The following ZC3H12B variants were observed in gnomAD, a reference collection of about 807,000 sequenced individuals.
ZC3H12B encodes probable ribonuclease ZC3H12B.
Under a neutral mutation model 43.9 loss-of-function variants are expected in ZC3H12B, and 7 were observed. The observed-to-expected ratio is 0.16, with a 90% CI of 0.09 to 0.30. The LOEUF is 0.30. Among genes scored for constraint, ZC3H12B ranks in the 10% least tolerant of loss-of-function variants. The pLI, the probability that ZC3H12B is intolerant of heterozygous loss-of-function variation, is 1.00. For synonymous variants in ZC3H12B, 222 were observed against 241.7 expected, an observed-to-expected ratio of 0.92 and a Z score of 0.76; for missense variants, 475 against 670.2, an observed-to-expected ratio of 0.71 and a Z score of 3.22.
At chrX:65,415,117 G>A (rs1003825973) in intron 3 of ZC3H12B, among the ~76,000 whole-genome samples, 5 of 112,250 alleles carry the variant, frequency 4.5e-5, no homozygotes, top group Admixed American at 9.4e-5. Flanking sequence ...GGTCATGGGT[G>A]GATTCAAATA....
chrX:65,325,705 A>C, the ZC3H12B span, among the ~76,000 whole-genome samples: 1 of 111,502 alleles, frequency 9.0e-6, no homozygotes, highest in Non-Finnish European at 1.9e-5. Context: ...GCACTATTCC[A>C]ATGTCATTTT....
the ZC3H12B span, among the ~76,000 whole-genome samples, chrX:65,158,571 T>C: frequency 8.9e-6 from 1 of 112,258 alleles, no homozygotes; most frequent in Admixed American, 9.5e-5. Context: ...AAATGTCTTC[T>C]TTTGAGAAGT....
the ZC3H12B span, among the ~76,000 whole-genome samples, chrX:65,064,814 A>C: frequency 9.0e-6 from 1 of 111,421 alleles, no homozygotes; most frequent in South Asian, 3.8e-4. Context: ...TGCTTTATGA[A>C]TCTCGGTCCT....
chrX:65,439,534 G>A (rs769209098), intron 3 of ZC3H12B, among the ~76,000 whole-genome samples: 2 of 111,781 alleles, frequency 1.8e-5, no homozygotes, highest in South Asian at 7.6e-4. Flanking sequence ...GTCCAATCCT[G>A]TTTCCAAATA....
At chrX:65,127,671 C>A in the ZC3H12B span, among the ~76,000 whole-genome samples, 8 of 110,923 alleles carry the variant, frequency 7.2e-5, no homozygotes, top group Non-Finnish European at 1.5e-4. Flanking sequence ...TGTCTCAGCT[C>A]AGCCTCTTCT....
intron 3 of ZC3H12B, chrX:65,470,105 C>A (rs2067888552): frequency 1.7e-5 from 2 of 116,331 alleles, no homozygotes; most frequent in Admixed American, 9.4e-5. Context: ...GCGTGTGCAG[C>A]GCCAAGTATG....
the ZC3H12B span, among the ~76,000 whole-genome samples, chrX:65,258,481 A>G: frequency 2.7e-5 from 3 of 112,025 alleles, no homozygotes; most frequent in Non-Finnish European, 5.6e-5. Flanking sequence ...GCCAAAAGCT[A>G]TAAGCATTCT....
At chrX:65,119,314 G>T in the ZC3H12B span, among the ~76,000 whole-genome samples, 3 of 111,335 alleles carry the variant, frequency 2.7e-5, no homozygotes, top group African/African-American at 6.5e-5. Context: ...AGCACCTGTT[G>T]TTTCCTGACT....
the ZC3H12B span, among the ~76,000 whole-genome samples, chrX:65,091,360 G>A: frequency 8.9e-6 from 1 of 112,089 alleles, no homozygotes; most frequent in Non-Finnish European, 1.9e-5. Flanking sequence ...TTTTGGCCAA[G>A]TGAAACTGAT....
At chrX:65,271,063 G>A in the ZC3H12B span, 1 of 112,752 alleles carries the variant, frequency 8.9e-6, no homozygotes, top group Admixed American at 9.3e-5. Flanking sequence ...AATAGAAAAG[G>A]TGATATGACC....
chrX:65,188,272 G>C, the ZC3H12B span, among the ~76,000 whole-genome samples: 5 of 111,044 alleles, frequency 4.5e-5, no homozygotes, highest in Non-Finnish European at 9.4e-5. Flanking sequence ...ATAAACACAG[G>C]AGTGCAGCTA....
the ZC3H12B span, among the ~76,000 whole-genome samples, chrX:65,182,251 G>T: frequency 9.0e-6 from 1 of 110,532 alleles, no homozygotes; most frequent in African/African-American, 3.3e-5. Context: ...AGTGCCTGTT[G>T]GGAGGTGGGG....
At chrX:65,422,924 G>C (rs1191720898) in intron 3 of ZC3H12B, among the ~76,000 whole-genome samples, 1 of 70,241 alleles carries the variant, frequency 1.4e-5, no homozygotes, top group Non-Finnish European at 2.6e-5. Flanking sequence ...TTCTTTCTTT[G>C]CTTTTTTTTT....
At chrX:65,295,295 C>T in the ZC3H12B span, among the ~76,000 whole-genome samples, 10 of 111,408 alleles carry the variant, frequency 9.0e-5, no homozygotes, top group Non-Finnish European at 1.9e-4. Context: ...ATAACCTGCT[C>T]CTGAGTGATT....
intron 3 of ZC3H12B, among the ~76,000 whole-genome samples, chrX:65,460,439 C>T (rs1376168851): frequency 2.7e-5 from 3 of 111,973 alleles, no homozygotes; most frequent in Non-Finnish European, 3.8e-5. Flanking sequence ...GGAGGCATCA[C>T]ACTACCTAAC....
chrX:65,297,096 G>A, the ZC3H12B span, among the ~76,000 whole-genome samples: 4 of 111,331 alleles, frequency 3.6e-5, no homozygotes, highest in Non-Finnish European at 7.5e-5. Context: ...AACAAGAGAA[G>A]GATGCCCACT....
intron 1 of ZC3H12B, among the ~76,000 whole-genome samples, chrX:65,490,540 C>T (rs1706412674): frequency 9.0e-6 from 1 of 111,313 alleles, no homozygotes; most frequent in African/African-American, 3.3e-5. Context: ...TAAATTGGTG[C>T]TATTTTAAGT....
At chrX:65,224,992 G>T in the ZC3H12B span, among the ~76,000 whole-genome samples, 1 of 111,748 alleles carries the variant, frequency 8.9e-6, no homozygotes. Context: ...AGACTTAAAT[G>T]TCCCTGTCTG....
At chrX:65,047,875 T>C in the ZC3H12B span, among the ~76,000 whole-genome samples, 1 of 110,789 alleles carries the variant, frequency 9.0e-6, no homozygotes, top group South Asian at 3.8e-4. Flanking sequence ...CTAGTTTATA[T>C]TAAAATAATT....
Sources: gnomAD v4.1 joint callset for allele counts (sites outside exome capture counted in the v4.1 genomes callset) on GRCh38, gnomAD v4.1.1 for gene constraint, MANE v1.5 for transcripts, NCBI Gene and HGNC (gene_info 2026-07-23, HGNC 2026-07-21) for gene names.